The following ANGEL2 variants were observed in gnomAD, a reference collection of about 807,000 sequenced individuals.
ANGEL2 encodes RNA 2',3'-cyclic phosphatase ANGEL2.
Under a neutral mutation model 66.0 loss-of-function variants are expected in ANGEL2, and 41 were observed. The ratio of observed to expected loss-of-function variants is 0.62; its 90% confidence interval spans 0.48 to 0.81. ANGEL2 has a LOEUF of 0.81. Ranked by LOEUF, ANGEL2 falls within the 30% of genes least tolerant of loss-of-function variation. The pLI, the probability that ANGEL2 is intolerant of heterozygous loss-of-function variation, is 0.00. For synonymous variants in ANGEL2, 208 were observed against 226.5 expected (o/e 0.92, Z 0.73); for missense variants, 561 against 641.6 (o/e 0.87, Z 1.36).
Position 213,008,374 on chromosome 1 carries a change from C to G in ANGEL2, c.478G>C (p.Asp160His). The change falls in exon 3 of 9, where the codon GAC (aspartate) becomes CAC (histidine). Residue 160 changes from aspartate to histidine, a missense_variant. Transcript: ENST00000366962. ...GAAAAGTCAAACTTGTTCTCACTGTCTTCACATTTGGGATCAACATTTTTG... is the reference window on the plus strand; with the variant it reads ...GAAAAGTCAAACTTGTTCTCACTGTGTTCACATTTGGGATCAACATTTTTG... The part of the protein sequence containing the change: ...GDKNVDPKCE[D>H]SENKFDFSVM... 1 of 1,614,158 alleles carries G rather than the reference C, an allele frequency of 6.2e-7. No homozygotes were observed. The highest frequency in any genetic ancestry group is 1.3e-5 in the African/African-American group (1 of 75,038).
chr1:213,005,019 A>G lies in ANGEL2; in HGVS notation c.1134+14T>C. ...CTATGTCCACTCCCTAATAACAATG[A>G]AGAAAGCACTTACCTTTCCTATGGG... is the stretch of plus-strand genomic sequence containing the variant. On this transcript the variant is annotated intron_variant, in intron 5 of 8. Transcript: ENST00000366962. 6.6e-7 allele frequency: 1 copy of G among 1,521,060 alleles called. No individual in the cohort carries two copies. Among genetic ancestry groups the G allele is most frequent in the Non-Finnish European group, 8.8e-7 (1 of 1,140,578 alleles). The allele number at this position is 1,521,060 out of a possible 1,614,324, so 94.2% of individuals were successfully genotyped here.
At chr1:213,006,950 C>G in intron 4 of ANGEL2, 179 bp downstream of exon 4, 2 of 453,272 alleles carry the variant, frequency 4.4e-6, no homozygotes, top group Non-Finnish European at 7.7e-6. Context: ...AATAATTGGC[C>G]GGGCATGGTG....
chr1:213,000,348 CTGTT>C lies in ANGEL2; in HGVS notation c.1293_1296del (p.Thr432ArgfsTer3). ...CACTTTTCAGCTGTCACTAGGACCT[CTGTT>C]TGCTTCAGCTGTGTTTGTGTCAGAT... On this transcript the variant is annotated frameshift_variant, in exon 7 of 9. Coordinates refer to ENST00000366962, the MANE Select transcript of ANGEL2 (RefSeq NM_144567.5). LOFTEE classifies it high-confidence loss of function. 3 of 1,613,902 alleles carry C rather than the reference CTGTT, an allele frequency of 1.9e-6. No homozygotes were observed. The highest frequency in any genetic ancestry group is 2.5e-6 in the Non-Finnish European group (3 of 1,179,810).
At chr1:213,003,275 C>G (rs190009018) in intron 5 of ANGEL2, among the ~76,000 whole-genome samples, 1 of 152,196 alleles carries the variant, frequency 6.6e-6, no homozygotes, top group Non-Finnish European at 1.5e-5. Context: ...TCTTATTATG[C>G]CTTCATACAC....
rs374213502 is a variant in ANGEL2 at position 212,992,525 on chromosome 1, A to G, written c.*2516T>C. ...AGTACAGGCTCTGGCAGAGTTACCA[A>G]CTATTCTGGTCAACAAAAGTAAAGA... is the stretch of plus-strand genomic sequence containing the variant. On this transcript the variant is annotated 3_prime_UTR_variant, in exon 9 of 9. Coordinates refer to ENST00000366962, the MANE Select transcript of ANGEL2 (RefSeq NM_144567.5). 1 of 152,236 alleles carries G rather than the reference A, an allele frequency of 6.6e-6. No individual in the cohort carries two copies. Among genetic ancestry groups the G allele is most frequent in the Non-Finnish European group, 1.5e-5 (1 of 68,044 alleles). 9.4% of individuals were successfully genotyped at this position (152,236 alleles called of 1,614,324 possible).
intron 4 of ANGEL2, among the ~76,000 whole-genome samples, chr1:213,006,198 A>G (rs1433057901): frequency 6.6e-6 from 1 of 152,180 alleles, no homozygotes; most frequent in East Asian, 1.9e-4. Context: ...GTGGTGGCTC[A>G]CGCCTATAAT....
Position 213,011,508 on chromosome 1 carries a change from G to A in ANGEL2, c.385+1585C>T, listed in dbSNP as rs2076507628. On this transcript the variant is annotated intron_variant, in intron 2 of 8. Transcript: ENST00000366962. ...GTCAGGTTGTAATCAAGCTTTATCAGTAGGTAAATGTAATTCCCCATCCAT... is the reference window on the plus strand; with the variant it reads ...GTCAGGTTGTAATCAAGCTTTATCAATAGGTAAATGTAATTCCCCATCCAT... 4 of 1,047,968 alleles carry A rather than the reference G, an allele frequency of 3.8e-6. No homozygotes were observed. In the South Asian group the frequency reaches 1.1e-4, roughly 30 times the overall value. 64.9% of individuals were successfully genotyped at this position (1,047,968 alleles called of 1,614,324 possible). A position where few individuals can be genotyped will look rare whatever the true frequency, so the allele number is the denominator to read the frequency against.
At position 212,995,133 on chromosome 1, in the gene ANGEL2, C is replaced by G; in HGVS notation, c.1543G>C (p.Glu515Gln). Residue 515 changes from glutamate to glutamine, a missense_variant, in exon 9 of 9, where the codon GAA (glutamate) becomes CAA (glutamine). By Grantham distance (29) the Glu-to-Gln change is conservative. Transcript: ENST00000366962. Reference protein sequence around the residue: ...KLLARLSLLTEQDLWTVNGLP... With the variant: ...KLLARLSLLTQQDLWTVNGLP... ...CCATTAACAGTCCATAAGTCTTGTT[C>G]TGTAAGAAGTGACAGTCTAGCTAGA... is the stretch of plus-strand genomic sequence containing the variant. 6.2e-7 allele frequency: 1 copy of G among 1,611,094 alleles called. No individual in the cohort carries two copies. The highest frequency in any genetic ancestry group is 8.5e-7 in the Non-Finnish European group (1 of 1,178,330).
At position 213,005,167 on chromosome 1, in the gene ANGEL2, T is replaced by C. The variant is rs867851951; in HGVS notation, c.1000A>G (p.Ser334Gly). ...QLAMLLAEIS[S>G]VAHQKDGSFC... Reference sequence around the variant, plus strand: ...CTGCCATCTTTCTGGTGGGCAACACTGGAAATCTCTGCCAGTAGCATTGCC... The same window carrying C: ...CTGCCATCTTTCTGGTGGGCAACACCGGAAATCTCTGCCAGTAGCATTGCC... The change falls in exon 5 of 9, where the codon AGT becomes GGT. Residue 334 changes from serine to glycine, a missense_variant. Physicochemically the swap from Ser to Gly is moderately conservative, Grantham distance 56 (BLOSUM62 0). Transcript: ENST00000366962. 6.2e-7 allele frequency: 1 copy of C among 1,614,114 alleles called. No homozygotes were observed. Among genetic ancestry groups the C allele is most frequent in the South Asian group, 1.1e-5 (1 of 91,082 alleles).
In ANGEL2 at chr1:212,995,210, A is replaced by G. The variant is rs367772866; in HGVS notation, c.1484-18T>C. 90 of 1,578,348 alleles carry G rather than the reference A, an allele frequency of 5.7e-5. No individual in the cohort carries two copies. The highest frequency in any genetic ancestry group is 1.7e-4 in the Middle Eastern group (1 of 5,920). On this transcript the variant is annotated intron_variant, in intron 8 of 8. Coordinates refer to ENST00000366962, the MANE Select transcript of ANGEL2 (RefSeq NM_144567.5). ...TTCAGCTCCTACATTAAAGAAGCAC[A>G]CACATATTTAGTAAAATTGTCAACG... is the stretch of plus-strand genomic sequence containing the variant.
intron 7 of ANGEL2, among the ~76,000 whole-genome samples, chr1:213,000,089 C>A (rs189661834): frequency 6.6e-6 from 1 of 152,320 alleles, no homozygotes; most frequent in African/African-American, 2.4e-5. Context: ...TCACAACAAT[C>A]CAAACTATAG....
intron 5 of ANGEL2, chr1:213,001,634 A>G (rs2076181091): frequency 6.6e-6 from 1 of 152,208 alleles, no homozygotes; most frequent in African/African-American, 2.4e-5. Context: ...ATTTTTCTGT[A>G]GCATCTGATG....
At chr1:213,012,992 C>T in intron 2 of ANGEL2, 101 bp downstream of exon 2, 2 of 1,207,304 alleles carry the variant, frequency 1.7e-6, no homozygotes, top group South Asian at 1.6e-5. Flanking sequence ...CAACACCAAA[C>T]ACCTCTAAAA....
In ANGEL2 at chr1:212,992,427, T is replaced by TG. The variant is rs2075882579; in HGVS notation, c.*2613dup. On this transcript the variant is annotated 3_prime_UTR_variant, in exon 9 of 9. Coordinates refer to ENST00000366962, the MANE Select transcript of ANGEL2 (RefSeq NM_144567.5). Reference sequence around the variant, plus strand: ...ACAGTTTACCTTTCCATTTAAAACTTGGATAGTATAACACTTGAGACTGAG... The same window carrying TG: ...ACAGTTTACCTTTCCATTTAAAACTTGGGATAGTATAACACTTGAGACTGAG... 1 of 152,226 alleles carries TG rather than the reference T, an allele frequency of 6.6e-6. No homozygotes were observed. Among genetic ancestry groups the TG allele is most frequent in the Non-Finnish European group, 1.5e-5 (1 of 68,038 alleles). The allele number at this position is 152,226 out of a possible 1,614,324, so 9.4% of individuals were successfully genotyped here.
At position 212,994,152 on chromosome 1, in the gene ANGEL2, A is replaced by G. The variant is rs1266242360; in HGVS notation, c.*889T>C. 6.6e-6 allele frequency: 1 copy of G among 152,134 alleles called. No homozygotes were observed. Among genetic ancestry groups the G allele is most frequent in the East Asian group, 1.9e-4 (1 of 5,178 alleles). 9.4% of individuals were successfully genotyped at this position (152,134 alleles called of 1,614,324 possible). A position where few individuals can be genotyped will look rare whatever the true frequency, so the allele number is the denominator to read the frequency against. On this transcript the variant is annotated 3_prime_UTR_variant, in exon 9 of 9. Coordinates refer to ENST00000366962, the MANE Select transcript of ANGEL2 (RefSeq NM_144567.5). Reference sequence around the variant, plus strand: ...CAAAATTAGCTGGGAGTGGTGACGCATGCCTGTAATCCCAGCTACTCGAGA... The same window carrying G: ...CAAAATTAGCTGGGAGTGGTGACGCGTGCCTGTAATCCCAGCTACTCGAGA...
chr1:212,996,656 T>A (rs1572105196), intron 8 of ANGEL2, among the ~76,000 whole-genome samples: 7 of 132,996 alleles, frequency 5.3e-5, no homozygotes, highest in South Asian at 2.5e-4. Flanking sequence ...TATATATATA[T>A]ATATATATAT....
intron 2 of ANGEL2, chr1:213,011,340 A>C: frequency 8.1e-7 from 1 of 1,234,144 alleles, no homozygotes; most frequent in Non-Finnish European, 1.0e-6. Flanking sequence ...AATCCTTCAA[A>C]TACCACTTTA....
chr1:212,994,950 A>G lies in ANGEL2; in HGVS notation c.*91T>C. 8.1e-7 allele frequency: 1 copy of G among 1,241,250 alleles called. No individual in the cohort carries two copies. The highest frequency in any genetic ancestry group is 3.2e-5 in the Admixed American group (1 of 31,174). 76.9% of individuals were successfully genotyped at this position (1,241,250 alleles called of 1,614,324 possible). A position where few individuals can be genotyped will look rare whatever the true frequency, so the allele number is the denominator to read the frequency against. ...AACCGCTTCAGAATCTCCACAGTGC[A>G]AAAATAAACAACATGCATACACTTA... On this transcript the variant is annotated 3_prime_UTR_variant, in exon 9 of 9. Coordinates refer to ENST00000366962, the MANE Select transcript of ANGEL2 (RefSeq NM_144567.5).
chr1:212,996,636 AAAAAATATAT>A (rs2076021303), intron 8 of ANGEL2, among the ~76,000 whole-genome samples: 5 of 41,978 alleles, frequency 1.2e-4, no homozygotes, highest in East Asian at 1.3e-3. Flanking sequence ...AAAAAAAAAA[AAAAAATATAT>A]ATATATATAT....
Sources: allele counts gnomAD v4.1 joint callset (sites outside exome capture counted in the v4.1 genomes callset), GRCh38; gene constraint gnomAD v4.1.1; transcripts MANE v1.5; gene names NCBI Gene and HGNC (gene_info 2026-07-23, HGNC 2026-07-21).